The following ERCC6L2 variants were observed in gnomAD, a reference collection of about 807,000 sequenced individuals.
ERCC6L2 encodes DNA excision repair protein ERCC-6-like 2.
In ERCC6L2, 77 loss-of-function variants were observed where a neutral mutation model predicts 132.0. The observed-to-expected ratio is 0.58, with a 90% CI of 0.49 to 0.71. The LOEUF (loss-of-function observed/expected upper bound fraction) is 0.71, where lower values mean the gene tolerates loss of function less well. ERCC6L2 is among the 30% of genes least tolerant of loss of function. The pLI, the probability that ERCC6L2 is intolerant of heterozygous loss-of-function variation, is 0.00. For synonymous variants in ERCC6L2, 583 were observed against 632.4 expected, an observed-to-expected ratio of 0.92 and a Z score of 1.17; for missense variants, 1,542 against 1,837.6, an observed-to-expected ratio of 0.84 and a Z score of 2.94.
chr9:96,001,087 G>A (rs1022754310), intron 17 of ERCC6L2, among the ~76,000 whole-genome samples: 1 of 152,092 alleles, frequency 6.6e-6, no homozygotes, highest in African/African-American at 2.4e-5. Context: ...GTCTGGAGTT[G>A]TTCATTCCTC....
chr9:95,920,912 G>T (rs1298445243), intron 6 of ERCC6L2, among the ~76,000 whole-genome samples: 1 of 152,138 alleles, frequency 6.6e-6, no homozygotes, highest in Non-Finnish European at 1.5e-5. Context: ...GAGTAGCTGG[G>T]ACTACAGGCG....
chr9:95,916,377 G>A lies in ERCC6L2; in HGVS notation c.1101G>A (p.Trp367Ter). 1 of 1,608,706 alleles carries A rather than the reference G, an allele frequency of 6.2e-7. No individual in the cohort carries two copies. Among genetic ancestry groups the A allele is most frequent in the Non-Finnish European group, 8.5e-7 (1 of 1,178,604 alleles). ...GACTTGCCAAAAAGATGTCTGGCTG[G>A]TTTCTCAGGCGCACCAAGACTCTTA... ...MQRLAKKMSG[W>*]FLRRTKTLIK... is the part of the protein sequence containing the mutation. The change falls in exon 6 of 19, where the codon TGG becomes TGA. Residue 367 changes from tryptophan (W) to a stop codon, truncating the protein, a stop_gained. Transcript: ENST00000653738. LOFTEE classifies it high-confidence loss of function.
At chr9:95,919,400 A>G (rs1829755188) in intron 6 of ERCC6L2, among the ~76,000 whole-genome samples, 1 of 152,184 alleles carries the variant, frequency 6.6e-6, no homozygotes. Context: ...CCTTGCCAGT[A>G]AAGGACTACC....
chr9:95,937,642 G>A (rs1830615087), intron 11 of ERCC6L2, among the ~76,000 whole-genome samples: 1 of 151,856 alleles, frequency 6.6e-6, no homozygotes, highest in Non-Finnish European at 1.5e-5. Context: ...ATTTTTTATA[G>A]TATTCATTTA....
At chr9:95,960,227 G>A (rs1831837420) in intron 13 of ERCC6L2, among the ~76,000 whole-genome samples, 1 of 152,094 alleles carries the variant, frequency 6.6e-6, no homozygotes. Context: ...AAGCACTGCA[G>A]TAGACAGAGA....
intron 17 of ERCC6L2, among the ~76,000 whole-genome samples, chr9:95,997,141 T>C (rs969677422): frequency 6.6e-6 from 1 of 151,568 alleles, no homozygotes; most frequent in Non-Finnish European, 1.5e-5. Flanking sequence ...TCTGGTGGAC[T>C]TGGGCAAAGT....
intron 13 of ERCC6L2, among the ~76,000 whole-genome samples, chr9:95,956,302 C>T (rs989268497): frequency 6.6e-6 from 1 of 151,952 alleles, no homozygotes; most frequent in Admixed American, 6.6e-5. Flanking sequence ...GAGTTAGAGC[C>T]CATGATGTGG....
Position 96,013,307 on chromosome 9 carries a change from T to G in ERCC6L2, c.*104T>G. On this transcript the variant is annotated 3_prime_UTR_variant, in exon 19 of 19. Transcript: ENST00000653738. ...CTTGAACACAGTTGTTGACATATAT[T>G]TTTATTAAATTATTGCTTTAGGATT... is the stretch of plus-strand genomic sequence containing the variant. 1 of 1,007,780 alleles carries G rather than the reference T, an allele frequency of 9.9e-7. No homozygotes were observed. 62.4% of individuals were successfully genotyped at this position (1,007,780 alleles called of 1,614,324 possible).
chr9:95,993,995 G>A (rs1439543955), intron 17 of ERCC6L2, among the ~76,000 whole-genome samples: 1 of 152,208 alleles, frequency 6.6e-6, no homozygotes, highest in Non-Finnish European at 1.5e-5. Context: ...AGACAATTCA[G>A]GGATAGCTCA....
intron 2 of ERCC6L2, among the ~76,000 whole-genome samples, chr9:95,896,664 T>G (rs1828483476): frequency 6.6e-6 from 1 of 152,162 alleles, no homozygotes; most frequent in Non-Finnish European, 1.5e-5. Flanking sequence ...GCTAAAATGA[T>G]CCTCCCGTCT....
rs73656582 is a variant in ERCC6L2, at chr9:95,885,350, G to T, written c.471+4057G>T. 3.7e-3 allele frequency among the ~76,000 whole-genome samples: 561 copies of T among 152,236 alleles called. 6 individuals are homozygous for T. Among genetic ancestry groups the T allele is most frequent in the African/African-American group, 0.013 (527 of 41,538 alleles). On this transcript the variant is annotated intron_variant, in intron 2 of 18. Coordinates refer to ENST00000653738, the MANE Select transcript of ERCC6L2 (RefSeq NM_020207.7). The stretch of plus-strand genomic sequence containing the variant: ...TCCAAGAAAAGATCATCACAGCCAA[G>T]ACGATGAACATGTCTATCACTCCTA...
intron 17 of ERCC6L2, among the ~76,000 whole-genome samples, chr9:95,991,405 G>A (rs1186898793): frequency 6.6e-6 from 1 of 152,170 alleles, no homozygotes; most frequent in Admixed American, 6.5e-5. Flanking sequence ...TCTGTATGGT[G>A]AAATGGGAAG....
At chr9:95,957,511 G>C (rs1171662897) in intron 13 of ERCC6L2, among the ~76,000 whole-genome samples, 1 of 151,334 alleles carries the variant, frequency 6.6e-6, no homozygotes, top group Admixed American at 6.6e-5. Context: ...CATCTTAGGA[G>C]CTGTTCTTTT....
chr9:95,920,816 G>A (rs557515996), intron 6 of ERCC6L2, among the ~76,000 whole-genome samples: 48 of 151,816 alleles, frequency 3.2e-4, no homozygotes, highest in African/African-American at 1.1e-3. Context: ...TCGCTCTGTC[G>A]CCCAGGCTGT....
rs1267065288 is a variant in ERCC6L2, at chr9:96,012,398, A to G, written c.3848A>G (p.Asn1283Ser). ...GTGGATTCTGTGTCACAATTCAACA[A>G]TTCTTCCTTTGAGAAAGGAGAGCAG... ...FFVDSVSQFNNSSFEKGEQRT... is the reference protein window; with the variant it reads ...FFVDSVSQFNSSSFEKGEQRT... Residue 1283 changes from asparagine to serine, a missense_variant, in exon 19 of 19, where the codon AAT (asparagine) becomes AGT (serine). Asn to Ser is a conservative substitution (Grantham distance 46). This residue lies in a region of ERCC6L2 where 442 missense variants were observed against 583.4 expected (regional missense o/e 0.76). Transcript: ENST00000653738. 2.2e-6 allele frequency: 3 copies of G among 1,361,390 alleles called. No individual in the cohort carries two copies. The highest frequency in any genetic ancestry group is 1.5e-5 in the African/African-American group (1 of 67,782). 84.3% of individuals were successfully genotyped at this position (1,361,390 alleles called of 1,614,324 possible). A position where few individuals can be genotyped will look rare whatever the true frequency, so the allele number is the denominator to read the frequency against.
chr9:95,965,319 A>G (rs1341665333), intron 13 of ERCC6L2, among the ~76,000 whole-genome samples: 5 of 152,184 alleles, frequency 3.3e-5, no homozygotes, highest in African/African-American at 7.2e-5. Context: ...AAAATACAGA[A>G]ATTTTAGTTA....
chr9:95,970,451 A>T, intron 14 of ERCC6L2, 125 bp from the exon 15 acceptor site: 1 of 298,854 alleles, frequency 3.3e-6, no homozygotes, highest in Non-Finnish European at 6.1e-6. Context: ...TAAGAATGCT[A>T]AAGCAAGCTG....
intron 11 of ERCC6L2, among the ~76,000 whole-genome samples, chr9:95,937,742 G>C (rs1235162730): frequency 6.6e-6 from 1 of 151,446 alleles, no homozygotes; most frequent in Non-Finnish European, 1.5e-5. Flanking sequence ...CTTTGTCATT[G>C]CTAGTTTAGC....
chr9:95,941,391 G>A, intron 11 of ERCC6L2, 63 bp from the exon 12 acceptor site: 4 of 1,212,860 alleles, frequency 3.3e-6, no homozygotes, highest in Middle Eastern at 1.9e-4. Context: ...GCACAGTTGA[G>A]TTATAGCACA....
Sources: allele counts gnomAD v4.1 joint callset (sites outside exome capture counted in the v4.1 genomes callset), GRCh38; gene constraint gnomAD v4.1.1; regional missense constraint gnomAD v4.1.1; transcripts MANE v1.5; gene names NCBI Gene and HGNC (gene_info 2026-07-23, HGNC 2026-07-21).